The following MCPH1 variants were observed in gnomAD, a reference collection of about 807,000 sequenced individuals.
The protein encoded by MCPH1 is microcephalin.
Under a neutral mutation model 84.5 loss-of-function variants are expected in MCPH1, and 104 were observed. The observed-to-expected ratio is 1.23, with a 90% CI of 1.05 to 1.45. MCPH1 has a LOEUF of 1.45. Ranked by LOEUF, MCPH1 falls within the 40% of genes most tolerant of loss-of-function variation. MCPH1 has a pLI of 0.00. For missense variants in MCPH1, 1,498 were observed against 1,005.7 expected (o/e 1.49, Z -6.62); for synonymous variants, 514 against 366.8 (o/e 1.40, Z -4.58).
chr8:6,456,444 C>T (rs1055433627), intron 9 of MCPH1, among the ~76,000 whole-genome samples: 15 of 152,154 alleles, frequency 9.9e-5, no homozygotes, highest in African/African-American at 3.4e-4. Flanking sequence ...GCTACATGGC[C>T]GCTTGACCTA....
At chr8:6,496,788 A>G (rs1016138040) in intron 11 of MCPH1, among the ~76,000 whole-genome samples, 1 of 152,188 alleles carries the variant, frequency 6.6e-6, no homozygotes, top group African/African-American at 2.4e-5. Flanking sequence ...TTCATGTTAC[A>G]GTTGTATTTT....
At chr8:6,603,690 G>A (rs1441791683) in intron 12 of MCPH1, among the ~76,000 whole-genome samples, 1 of 152,134 alleles carries the variant, frequency 6.6e-6, no homozygotes, top group Non-Finnish European at 1.5e-5. Flanking sequence ...GGCTGAGCTT[G>A]GTTTCAGATA....
At chr8:6,528,614 G>A (rs942218731) in intron 12 of MCPH1, among the ~76,000 whole-genome samples, 7 of 152,244 alleles carry the variant, frequency 4.6e-5, no homozygotes, top group African/African-American at 7.2e-5. Context: ...GAGCTACTGC[G>A]TGGCATGAGC....
At chr8:6,620,002 T>G (rs1008667964) in intron 12 of MCPH1, 7 of 152,260 alleles carry the variant, frequency 4.6e-5, no homozygotes, top group African/African-American at 7.2e-5. Flanking sequence ...CCATGGCTTT[T>G]TCTTGCAGTG....
chr8:6,625,777 C>CCATCT (rs1832011913), intron 13 of MCPH1: 1 of 982,116 alleles, frequency 1.0e-6, no homozygotes, highest in South Asian at 4.7e-5. Context: ...GAGCAAGACC[C>CCATCT]CATCTCTAAA....
At chr8:6,642,870 T>C in intron 13 of MCPH1, 124 bp from the exon 14 acceptor site, 1 of 859,558 alleles carries the variant, frequency 1.2e-6, no homozygotes, top group Non-Finnish European at 1.9e-6. Context: ...TGGGGGGGCC[T>C]ATGGACAACA....
intron 12 of MCPH1, chr8:6,527,662 G>C: frequency 6.2e-7 from 1 of 1,613,352 alleles, no homozygotes; most frequent in South Asian, 1.1e-5. Context: ...CAAGTCTCGT[G>C]GTCTGATTTA....
At chr8:6,427,127 A>T (rs1801174777) in intron 3 of MCPH1, among the ~76,000 whole-genome samples, 1 of 152,220 alleles carries the variant, frequency 6.6e-6, no homozygotes, top group South Asian at 2.1e-4. Context: ...TCTCTGAAAT[A>T]CTTAAACATA....
intron 12 of MCPH1, among the ~76,000 whole-genome samples, chr8:6,512,690 A>G (rs1355199510): frequency 6.6e-6 from 1 of 152,258 alleles, no homozygotes; most frequent in Non-Finnish European, 1.5e-5. Context: ...CTTGCACACT[A>G]GGTTGTCAAG....
At chr8:6,411,453 A>C (rs562232091) in intron 2 of MCPH1, among the ~76,000 whole-genome samples, 1 of 152,242 alleles carries the variant, frequency 6.6e-6, no homozygotes, top group African/African-American at 2.4e-5. Context: ...AAGAGTGATG[A>C]TGCTGGCAAT....
chr8:6,617,899 TA>T (rs770483398), intron 12 of MCPH1, among the ~76,000 whole-genome samples: 89 of 35,076 alleles, frequency 2.5e-3, no homozygotes, highest in Middle Eastern at 0.026. Context: ...TCTATCTATC[TA>T]ATCTATCTAT....
At chr8:6,494,975 T>A (rs1013633291) in intron 11 of MCPH1, among the ~76,000 whole-genome samples, 1 of 152,228 alleles carries the variant, frequency 6.6e-6, no homozygotes, top group African/African-American at 2.4e-5. Context: ...AATAGGTTTG[T>A]ATTTTTAAAA....
intron 5 of MCPH1, among the ~76,000 whole-genome samples, chr8:6,437,424 T>C (rs578195424): frequency 8.3e-4 from 127 of 152,192 alleles, no homozygotes; most frequent in African/African-American, 2.7e-3. Context: ...AGAAACAGGG[T>C]TTCACCATGT....
At chr8:6,615,423 G>A (rs781049854) in intron 12 of MCPH1, among the ~76,000 whole-genome samples, 5 of 152,186 alleles carry the variant, frequency 3.3e-5, no homozygotes, top group Non-Finnish European at 5.9e-5. Context: ...TTCACTTAAC[G>A]ACACAACGAA....
chr8:6,594,567 C>A (rs193046338), intron 12 of MCPH1, among the ~76,000 whole-genome samples: 32 of 152,222 alleles, frequency 2.1e-4, no homozygotes, highest in African/African-American at 7.0e-4. Flanking sequence ...TTGCTGAGGG[C>A]GTCCTGGGCA....
intron 13 of MCPH1, chr8:6,626,267 A>G (rs1016191380): frequency 1.0e-6 from 1 of 985,340 alleles, no homozygotes. Context: ...TACAAAATGT[A>G]AGCCACGCCT....
chr8:6,493,874 C>G (rs999283609), intron 11 of MCPH1, among the ~76,000 whole-genome samples: 3 of 152,156 alleles, frequency 2.0e-5, no homozygotes, highest in Admixed American at 6.5e-5. Flanking sequence ...CAGTAATCCT[C>G]TGTGGAAACT....
At chr8:6,529,147 T>G (rs1387514222) in intron 12 of MCPH1, among the ~76,000 whole-genome samples, 1 of 152,196 alleles carries the variant, frequency 6.6e-6, no homozygotes, top group African/African-American at 2.4e-5. Flanking sequence ...TTCACATCAC[T>G]TTTCTGGAGA....
intron 12 of MCPH1, among the ~76,000 whole-genome samples, chr8:6,525,089 T>C (rs180744805): frequency 2.0e-5 from 3 of 152,380 alleles, no homozygotes; most frequent in Admixed American, 1.3e-4. Flanking sequence ...CCACCTTTTT[T>C]TGACAGTAAC....
Sources: gnomAD v4.1 joint callset for allele counts (sites outside exome capture counted in the v4.1 genomes callset) on GRCh38, gnomAD v4.1.1 for gene constraint, MANE v1.5 for transcripts, NCBI Gene and HGNC (gene_info 2026-07-23, HGNC 2026-07-21) for gene names.